Variants in ATP8B4 observed in about 807,000 individuals in gnomAD.
The protein encoded by ATP8B4 is ATPase phospholipid transporting 8B4 (putative).
In ATP8B4, 133 loss-of-function variants were observed where a neutral mutation model predicts 145.6. That is an observed-to-expected ratio of 0.91 (90% CI 0.79 to 1.05). ATP8B4 has a LOEUF of 1.05. Ranked by LOEUF, ATP8B4 falls within the 50% of genes least tolerant of loss-of-function variation. The pLI is 0.00. For missense variants in ATP8B4, 1,458 were observed against 1,425.2 expected, an observed-to-expected ratio of 1.02 and a Z score of -0.37; for synonymous variants, 507 against 492.9, an observed-to-expected ratio of 1.03 and a Z score of -0.38.
At chr15:50,131,162 A>T (rs897785063) in intron 1 of ATP8B4, among the ~76,000 whole-genome samples, 2 of 152,158 alleles carry the variant, frequency 1.3e-5, no homozygotes, top group Admixed American at 6.5e-5. Flanking sequence ...CCTCCACCTG[A>T]TCTCTCCTTG....
At chr15:49,999,090 T>TCCG (rs2047673438) in intron 8 of ATP8B4, among the ~76,000 whole-genome samples, 1 of 152,090 alleles carries the variant, frequency 6.6e-6, no homozygotes, top group Non-Finnish European at 1.5e-5. Context: ...CACACATATG[T>TCCG]TTATTGTGGC....
Position 49,923,368 on chromosome 15 carries a change from G to A in ATP8B4, c.1758+11C>T, listed in dbSNP as rs774816858. The A allele has an allele frequency of 1.9e-6, 3 of 1,578,950 alleles. No homozygotes were observed. The highest frequency in any genetic ancestry group is 2.6e-6 in the Non-Finnish European group (3 of 1,149,276). ...GGGCCATTGTGCTAACCTTAAGACGGAGGCACTTACACTGAGGTGGTCTGA... is the reference window on the plus strand; with the variant it reads ...GGGCCATTGTGCTAACCTTAAGACGAAGGCACTTACACTGAGGTGGTCTGA... On this transcript the variant is annotated intron_variant, in intron 17 of 27. Coordinates refer to ENST00000284509, the MANE Select transcript of ATP8B4 (RefSeq NM_024837.4).
In ATP8B4 at chr15:49,938,627, A is replaced by G. The variant is rs137954558; in HGVS notation, c.1288-4445T>C. On this transcript the variant is annotated intron_variant, in intron 14 of 27. Transcript: ENST00000284509. ...ATAAAACAAGTACTTCTAGACCTAC[A>G]AAAAGACTTAGAGAGCCACACAATA... Among the ~76,000 whole-genome samples the G allele has an allele frequency of 1.4e-3, 211 of 152,304 alleles. 1 individual carries two copies. The highest frequency in any genetic ancestry group is 2.5e-3 in the Non-Finnish European group (171 of 68,008).
chr15:49,923,230 A>G (rs1349951025), intron 17 of ATP8B4, 149 bp downstream of exon 17: 3 of 653,086 alleles, frequency 4.6e-6, no homozygotes, highest in African/African-American at 3.8e-5. Flanking sequence ...TTCCCAGACA[A>G]TCATTGGCAC....
chr15:50,071,787 G>A (rs760247133), intron 3 of ATP8B4, among the ~76,000 whole-genome samples: 6 of 152,284 alleles, frequency 3.9e-5, no homozygotes, highest in East Asian at 1.9e-4. Flanking sequence ...ATGTTGATCA[G>A]CCTCCTGAGA....
At chr15:49,986,126 C>A (rs915501684) in intron 10 of ATP8B4, among the ~76,000 whole-genome samples, 5 of 152,194 alleles carry the variant, frequency 3.3e-5, no homozygotes, top group Non-Finnish European at 4.4e-5. Context: ...AACTTGGCCT[C>A]TCAGCGGTTC....
intron 20 of ATP8B4, among the ~76,000 whole-genome samples, chr15:49,906,497 A>G (rs1468382668): frequency 6.6e-6 from 1 of 152,206 alleles, no homozygotes; most frequent in East Asian, 1.9e-4. Context: ...TCCCACTACT[A>G]CTAGGACCAC....
At chr15:50,122,333 C>T (rs967635676), upstream of ATP8B4, among the ~76,000 whole-genome samples, 9 of 152,140 alleles carry the variant, frequency 5.9e-5, no homozygotes, top group African/African-American at 1.2e-4. Context: ...TCCTGTGATG[C>T]TTATCAGCTG....
chr15:49,920,377 T>C lies in ATP8B4; in HGVS notation c.1792A>G (p.Ile598Val). The change falls in exon 18 of 28, where the codon ATC becomes GTC. Residue 598 changes from isoleucine to valine, a missense_variant. By Grantham distance (29) the Ile-to-Val change is conservative. Coordinates refer to ENST00000284509, the MANE Select transcript of ATP8B4 (RefSeq NM_024837.4). Reference protein sequence around the residue: ...FAGEGLRTLAIAYRDLDDKYF... With the variant: ...FAGEGLRTLAVAYRDLDDKYF... ...TTGTCATCCAGGTCTCTGTATGCGA[T>C]GGCCAAGGTCCGAAGGCCTTCCCCT... 1.2e-6 allele frequency: 2 copies of C among 1,614,200 alleles called. No individual in the cohort carries two copies. The highest frequency in any genetic ancestry group is 1.7e-6 in the Non-Finnish European group (2 of 1,180,032).
chr15:49,873,564 C>T (rs557130884), intron 25 of ATP8B4, among the ~76,000 whole-genome samples: 41 of 152,076 alleles, frequency 2.7e-4, no homozygotes, highest in African/African-American at 8.9e-4. Context: ...TTTTTTCATG[C>T]TAACCCTGAT....
intron 27 of ATP8B4, 113 bp downstream of exon 27, chr15:49,862,132 T>G: frequency 7.4e-7 from 1 of 1,346,358 alleles, no homozygotes; most frequent in Non-Finnish European, 1.0e-6. Context: ...CCAGTAGGTG[T>G]TTGCTTGTGA....
At chr15:49,937,056 T>C (rs1448067799) in intron 14 of ATP8B4, among the ~76,000 whole-genome samples, 1 of 152,178 alleles carries the variant, frequency 6.6e-6, no homozygotes, top group Non-Finnish European at 1.5e-5. Context: ...TTATAGTTTA[T>C]AACTGTTGGT....
intron 5 of ATP8B4, among the ~76,000 whole-genome samples, chr15:50,044,213 T>C (rs1474074041): frequency 6.6e-6 from 1 of 152,160 alleles, no homozygotes; most frequent in Non-Finnish European, 1.5e-5. Flanking sequence ...TAAGAATACC[T>C]AATATTTACC....
intron 1 of ATP8B4, among the ~76,000 whole-genome samples, chr15:50,134,184 G>A (rs191394207): frequency 1.4e-3 from 205 of 151,530 alleles, no homozygotes; most frequent in South Asian, 3.1e-3. Flanking sequence ...GTCAGTGAGA[G>A]GGAAATGGAA....
intron 6 of ATP8B4, among the ~76,000 whole-genome samples, chr15:50,024,017 T>C (rs147606214): frequency 1.3e-5 from 2 of 152,252 alleles, no homozygotes; most frequent in African/African-American, 4.8e-5. Context: ...TTAGGTTCTA[T>C]TATTTTTAAA....
chr15:49,927,053 C>G (rs1447775264), intron 16 of ATP8B4, among the ~76,000 whole-genome samples: 9 of 152,072 alleles, frequency 5.9e-5, no homozygotes, highest in Admixed American at 1.3e-4. Flanking sequence ...CTGTTAATAG[C>G]CACCTCTGAA....
chr15:49,865,942 A>C (rs1199480367), intron 26 of ATP8B4, among the ~76,000 whole-genome samples: 2 of 152,214 alleles, frequency 1.3e-5, no homozygotes, highest in African/African-American at 4.8e-5. Context: ...AAATGCAAAT[A>C]AGTTCTATGG....
intron 8 of ATP8B4, among the ~76,000 whole-genome samples, chr15:50,001,479 T>C (rs757579660): frequency 6.6e-6 from 1 of 152,218 alleles, no homozygotes; most frequent in Admixed American, 6.5e-5. Flanking sequence ...CTTCAGATGC[T>C]TTGGACAAAT....
intron 1 of ATP8B4, among the ~76,000 whole-genome samples, chr15:50,136,738 G>A (rs1377213202): frequency 2.0e-5 from 3 of 152,128 alleles, no homozygotes; most frequent in Admixed American, 6.5e-5. Context: ...GGGCTCTGGA[G>A]TCAGACTGGC....
Sources: gnomAD v4.1 joint callset for allele counts (sites outside exome capture counted in the v4.1 genomes callset) on GRCh38, gnomAD v4.1.1 for gene constraint, MANE v1.5 for transcripts, NCBI Gene and HGNC (gene_info 2026-07-23, HGNC 2026-07-21) for gene names.